CFAP61: variants seen among roughly 807,000 people sequenced by gnomAD.
CFAP61 encodes cilia and flagella associated protein 61.
Under a neutral mutation model 135.6 loss-of-function variants are expected in CFAP61, and 107 were observed. That is an observed-to-expected ratio of 0.79 (90% CI 0.67 to 0.93). CFAP61 has a LOEUF of 0.93. Ranked by LOEUF, CFAP61 falls within the 40% of genes least tolerant of loss-of-function variation. The pLI, the probability that CFAP61 is intolerant of heterozygous loss-of-function variation, is 0.00. For synonymous variants in CFAP61, 575 were observed against 578.5 expected, an observed-to-expected ratio of 0.99 and a Z score of 0.09; for missense variants, 1,507 against 1,556.2, an observed-to-expected ratio of 0.97 and a Z score of 0.53.
intron 13 of CFAP61, chr20:20,172,390 C>A: frequency 1.7e-6 from 1 of 581,788 alleles, no homozygotes; most frequent in African/African-American, 2.0e-5. Flanking sequence ...AATCATGGCT[C>A]GCTGGAGCCT....
intron 18 of CFAP61, among the ~76,000 whole-genome samples, chr20:20,229,852 A>G (rs1010813650): frequency 6.6e-6 from 1 of 152,224 alleles, no homozygotes; most frequent in Non-Finnish European, 1.5e-5. Context: ...CACTGCAAGC[A>G]TGAAATGATG....
chr20:20,170,428 T>TA (rs2054140957), intron 13 of CFAP61, among the ~76,000 whole-genome samples: 1 of 151,916 alleles, frequency 6.6e-6, no homozygotes, highest in African/African-American at 2.4e-5. Context: ...ACTTAATACC[T>TA]AAATAGAAAA....
At chr20:20,314,511 G>GT (rs202217191) in intron 25 of CFAP61, among the ~76,000 whole-genome samples, 14 of 146,374 alleles carry the variant, frequency 9.6e-5, no homozygotes, top group South Asian at 4.3e-4. Flanking sequence ...CTTGGTTTTT[G>GT]TTTTTTTTTA....
At position 20,297,650 on chromosome 20, in the gene CFAP61, C is replaced by T. The variant is rs1403294651; in HGVS notation, c.3217-531C>T. 2.6e-5 allele frequency among the ~76,000 whole-genome samples: 4 copies of T among 152,222 alleles called. No homozygotes were observed. In the South Asian group the frequency reaches 8.3e-4, roughly 32 times the overall value. ...CTGCAGAATGTGTATGTGCATCTCC[C>T]ATAGCCTTGAACCTTCTTCCTGGGA... is the stretch of plus-strand genomic sequence containing the variant. On this transcript the variant is annotated intron_variant, in intron 24 of 26. Transcript: ENST00000245957.
chr20:20,231,947 C>G (rs1036677049), intron 18 of CFAP61, among the ~76,000 whole-genome samples: 2 of 151,700 alleles, frequency 1.3e-5, no homozygotes, highest in Non-Finnish European at 2.9e-5. Flanking sequence ...TTGGCCACCC[C>G]GTTCTTTGGG....
intron 13 of CFAP61, among the ~76,000 whole-genome samples, chr20:20,169,916 C>T (rs979616467): frequency 1.2e-4 from 18 of 152,112 alleles, no homozygotes; most frequent in African/African-American, 4.3e-4. Flanking sequence ...AATAGATTCT[C>T]AGGTGATTAA....
At chr20:20,136,411 G>A (rs1183891402) in intron 8 of CFAP61, among the ~76,000 whole-genome samples, 2 of 151,994 alleles carry the variant, frequency 1.3e-5, no homozygotes, top group Admixed American at 6.6e-5. Flanking sequence ...CTGTAAGCAT[G>A]CTTCATTCTT....
At chr20:20,124,758 C>T (rs2049944232) in intron 8 of CFAP61, among the ~76,000 whole-genome samples, 1 of 151,726 alleles carries the variant, frequency 6.6e-6, no homozygotes, top group Non-Finnish European at 1.5e-5. Context: ...AGGGTTCCTT[C>T]TTTCTCTATC....
chr20:20,277,845 T>C (rs995155450), intron 22 of CFAP61, among the ~76,000 whole-genome samples: 1 of 152,156 alleles, frequency 6.6e-6, no homozygotes, highest in African/African-American at 2.4e-5. Context: ...CAACTTTAGT[T>C]GAGATTTTCA....
At chr20:20,206,065 T>C (rs1234533086) in intron 17 of CFAP61, among the ~76,000 whole-genome samples, 1 of 152,110 alleles carries the variant, frequency 6.6e-6, no homozygotes, top group African/African-American at 2.4e-5. Context: ...GTGGAAATTG[T>C]TGAGTAACTG....
intron 26 of CFAP61, among the ~76,000 whole-genome samples, chr20:20,350,628 C>CA (rs973915876): frequency 1.3e-5 from 2 of 151,972 alleles, no homozygotes; most frequent in African/African-American, 4.8e-5. Context: ...GACTCCATCT[C>CA]AAAAAAACAA....
In CFAP61 at chr20:20,165,349, T is replaced by C. The variant is rs562054133; in HGVS notation, c.1206-1048T>C. On this transcript the variant is annotated intron_variant, in intron 11 of 26. Transcript: ENST00000245957. ...AAGATGGGCTCCATCCCTTAGCTCATGCTCCATGCCAAATCTGCAGCTGGA... is the reference window on the plus strand; with the variant it reads ...AAGATGGGCTCCATCCCTTAGCTCACGCTCCATGCCAAATCTGCAGCTGGA... 3.3e-5 allele frequency among the ~76,000 whole-genome samples: 5 copies of C among 152,326 alleles called. No individual in the cohort carries two copies. The South Asian group carries it at 1.0e-3, about 32-fold the overall frequency.
Position 20,359,151 on chromosome 20 carries a change from T to C in CFAP61, c.3514-1059T>C, listed in dbSNP as rs530235259. 3.9e-5 allele frequency among the ~76,000 whole-genome samples: 6 copies of C among 152,362 alleles called. No homozygotes were observed. In the South Asian group the frequency reaches 1.2e-3, roughly 32 times the overall value. ...AATGTTAGGAAAATCTCTACTACACTGTACCTATGTGCAGCATAAGATTCT... is the reference window on the plus strand; with the variant it reads ...AATGTTAGGAAAATCTCTACTACACCGTACCTATGTGCAGCATAAGATTCT... On this transcript the variant is annotated intron_variant, in intron 26 of 26. Transcript: ENST00000245957. This position sits in a 1 kb window ranked among gnomAD's most constrained non-coding sequence, Gnocchi z 4.0.
chr20:20,056,078 A>C, intron 1 of CFAP61: 2 of 1,184,054 alleles, frequency 1.7e-6, no homozygotes, highest in African/African-American at 1.6e-5. Flanking sequence ...AAGTTGCTTT[A>C]TTATGGAACC....
chr20:20,242,938 G>GA (rs2050120988), intron 18 of CFAP61, among the ~76,000 whole-genome samples: 1 of 152,220 alleles, frequency 6.6e-6, no homozygotes, highest in Non-Finnish European at 1.5e-5. Flanking sequence ...GAGGATGCTG[G>GA]AGCCAGGCAT....
At chr20:20,106,542 C>T (rs192505654) in intron 8 of CFAP61, among the ~76,000 whole-genome samples, 318 of 152,262 alleles carry the variant, frequency 2.1e-3, no homozygotes, top group Non-Finnish European at 4.0e-3. Context: ...GAAATACAAG[C>T]GCATTTTTGT....
intron 21 of CFAP61, among the ~76,000 whole-genome samples, chr20:20,274,680 A>C (rs1466086417): frequency 2.6e-5 from 4 of 152,072 alleles, no homozygotes; most frequent in African/African-American, 9.7e-5. Flanking sequence ...AATGAAAATA[A>C]AAAAAAGGCA....
chr20:20,337,824 C>T (rs111570329), intron 25 of CFAP61, among the ~76,000 whole-genome samples: 2,244 of 152,190 alleles, frequency 0.015, 67 homozygotes, highest in African/African-American at 0.052. Context: ...GTTGGCACAC[C>T]CAGATGCCTG....
intron 24 of CFAP61, among the ~76,000 whole-genome samples, chr20:20,295,845 G>A (rs2055383895): frequency 6.6e-6 from 1 of 150,938 alleles, no homozygotes. Flanking sequence ...GTGGCATCCA[G>A]GCCTAGAGAG....
Sources: gnomAD v4.1 joint callset for allele counts (sites outside exome capture counted in the v4.1 genomes callset) on GRCh38, gnomAD v4.1.1 for gene constraint, Gnocchi (gnomAD v3.1) non-coding constraint, MANE v1.5 for transcripts, NCBI Gene and HGNC (gene_info 2026-07-23, HGNC 2026-07-21) for gene names.